The following ANO4 variants were observed in gnomAD, a reference collection of about 807,000 sequenced individuals.
ANO4 encodes anoctamin 4.
In ANO4, 69 loss-of-function variants were observed where a neutral mutation model predicts 141.9. The ratio of observed to expected loss-of-function variants is 0.49; its 90% confidence interval spans 0.40 to 0.59. The LOEUF (loss-of-function observed/expected upper bound fraction) is 0.59. ANO4 is among the 20% of genes least tolerant of loss of function. The pLI is 0.00. For missense variants in ANO4, 894 were observed against 1,162.2 expected (o/e 0.77, Z 3.36); for synonymous variants, 350 against 394.3 (o/e 0.89, Z 1.33).
intron 5 of ANO4, among the ~76,000 whole-genome samples, chr12:100,963,812 A>C (rs2043530980): frequency 6.6e-6 from 1 of 152,114 alleles, no homozygotes; most frequent in Non-Finnish European, 1.5e-5. Context: ...GATTCCAGAA[A>C]CATCAAGGAA....
intron 5 of ANO4, among the ~76,000 whole-genome samples, chr12:100,968,736 CTT>C (rs2136262295): frequency 1.3e-5 from 2 of 152,340 alleles, no homozygotes; most frequent in East Asian, 3.9e-4. Context: ...AAGCGGCAAT[CTT>C]TTCTGAAGTC....
chr12:100,804,415 C>T (rs1484870990), intron 1 of ANO4, among the ~76,000 whole-genome samples: 9 of 152,120 alleles, frequency 5.9e-5, no homozygotes, highest in Admixed American at 5.9e-4. Context: ...TGAACAAATG[C>T]ATGCATGTAT....
intron 3 of ANO4, among the ~76,000 whole-genome samples, chr12:100,778,767 C>A (rs368713617): frequency 1.8e-4 from 27 of 152,336 alleles, no homozygotes; most frequent in Admixed American, 1.2e-3. Context: ...CCCAATATTT[C>A]ATCACAAAGT....
At chr12:101,042,882 A>G (rs1412709333) in intron 12 of ANO4, among the ~76,000 whole-genome samples, 1 of 152,118 alleles carries the variant, frequency 6.6e-6, no homozygotes, top group Non-Finnish European at 1.5e-5. Context: ...GTATCTTGGG[A>G]GCGGTTCAGT....
intron 1 of ANO4, among the ~76,000 whole-genome samples, chr12:100,884,093 A>G (rs191016760): frequency 1.9e-4 from 29 of 152,342 alleles, no homozygotes; most frequent in African/African-American, 6.7e-4. Context: ...AGATTTGATT[A>G]AAAAGTTCCA....
Position 101,048,385 on chromosome 12 carries a change from T to C in ANO4, c.1296T>C (p.Val432=), listed in dbSNP as rs1209736749. The C allele has an allele frequency of 6.2e-7, 1 of 1,613,750 alleles. No homozygotes were observed. Among genetic ancestry groups the C allele is most frequent in the South Asian group, 1.1e-5 (1 of 91,066 alleles). ...ATGGAGCCACTGTCTTCTTTGCTGT[T>C]TTCATGGCAGTCTGGGGTAAGTGTT... ...FDNGATVFFA[V]FMAVWATVFL... is the part of the protein sequence containing the mutation. Residue 432 remains valine, a synonymous_variant, in exon 14 of 28, where the codon GTT becomes GTC. Coordinates refer to ENST00000392977, the MANE Select transcript of ANO4 (RefSeq NM_001286615.2).
intron 5 of ANO4, among the ~76,000 whole-genome samples, chr12:100,943,584 G>A (rs2042599398): frequency 6.6e-6 from 1 of 152,162 alleles, no homozygotes; most frequent in South Asian, 2.1e-4. Flanking sequence ...TTTCTGGAAT[G>A]TCTCCAAGAG....
intron 8 of ANO4, among the ~76,000 whole-genome samples, chr12:100,995,113 A>G (rs997569445): frequency 4.7e-5 from 7 of 150,178 alleles, no homozygotes; most frequent in Non-Finnish European, 8.9e-5. Context: ...GGGAACAGAG[A>G]AAAAGAGGGT....
At chr12:100,761,990 T>C (rs988741251) in intron 3 of ANO4, among the ~76,000 whole-genome samples, 3 of 152,120 alleles carry the variant, frequency 2.0e-5, no homozygotes, top group Admixed American at 2.0e-4. Flanking sequence ...TCTCCTGCCC[T>C]CCAGTGTACT....
At chr12:100,932,148 C>A (rs1047579915) in intron 3 of ANO4, among the ~76,000 whole-genome samples, 3 of 152,028 alleles carry the variant, frequency 2.0e-5, no homozygotes, top group Non-Finnish European at 4.4e-5. Context: ...GCAAAGCCCT[C>A]TTCTGTCTTC....
rs1472996656 is a variant in ANO4 at position 101,002,633 on chromosome 12, C to T, written c.734+14963C>T. ...TAATATCCTGTTCTTCCCTCAGTAA[C>T]GAGTTCAGGTGTCATCTTCTTTATG... On this transcript the variant is annotated intron_variant, in intron 8 of 27. Transcript: ENST00000392977. 2.0e-5 allele frequency among the ~76,000 whole-genome samples: 3 copies of T among 152,242 alleles called. No individual in the cohort carries two copies. In the East Asian group the frequency reaches 5.8e-4, roughly 29 times the overall value.
intron 3 of ANO4, among the ~76,000 whole-genome samples, chr12:100,765,812 C>T (rs896811171): frequency 2.0e-5 from 3 of 150,018 alleles, no homozygotes; most frequent in Admixed American, 2.0e-4. Flanking sequence ...TATATGAATA[C>T]ATTGTAGAAG....
intron 8 of ANO4, among the ~76,000 whole-genome samples, chr12:101,011,237 C>G (rs1166572080): frequency 6.6e-6 from 1 of 151,814 alleles, no homozygotes; most frequent in African/African-American, 2.4e-5. Context: ...CCAGCTCAGT[C>G]TACCTCTTGA....
intron 1 of ANO4, among the ~76,000 whole-genome samples, chr12:100,819,077 A>G (rs922890017): frequency 1.3e-5 from 2 of 150,600 alleles, no homozygotes; most frequent in African/African-American, 4.9e-5. Context: ...GTGTATATAT[A>G]TATTTCTATT....
At chr12:100,762,433 AAGG>A (rs2032906877) in intron 3 of ANO4, among the ~76,000 whole-genome samples, 1 of 152,172 alleles carries the variant, frequency 6.6e-6, no homozygotes, top group South Asian at 2.1e-4. Flanking sequence ...AGAGGGAAGA[AAGG>A]AGACCAGAAT....
chr12:100,950,530 G>A (rs2042929216), intron 5 of ANO4, among the ~76,000 whole-genome samples: 1 of 152,170 alleles, frequency 6.6e-6, no homozygotes, highest in African/African-American at 2.4e-5. Context: ...AGAACTTGAG[G>A]TGAGAATTCT....
At chr12:100,821,523 A>G (rs2036050772) in intron 1 of ANO4, among the ~76,000 whole-genome samples, 1 of 150,240 alleles carries the variant, frequency 6.7e-6, no homozygotes, top group Admixed American at 6.7e-5. Context: ...TCAGGTAATC[A>G]TAGAGTCAGA....
intron 12 of ANO4, 23 bp from the exon 13 acceptor site, chr12:101,043,516 G>A: frequency 1.3e-6 from 2 of 1,574,916 alleles, no homozygotes; most frequent in East Asian, 2.2e-5. Flanking sequence ...TCAAAAAGCA[G>A]TCCTTTCTGT....
chr12:100,853,298 A>G (rs1025954039), intron 1 of ANO4, among the ~76,000 whole-genome samples: 9 of 152,286 alleles, frequency 5.9e-5, no homozygotes, highest in African/African-American at 2.2e-4. Flanking sequence ...TTTTAATATT[A>G]TATAATTTAC....
Sources: gnomAD v4.1 joint callset for allele counts (sites outside exome capture counted in the v4.1 genomes callset) on GRCh38, gnomAD v4.1.1 for gene constraint, MANE v1.5 for transcripts, NCBI Gene and HGNC (gene_info 2026-07-23, HGNC 2026-07-21) for gene names.